Variants in FUT8 observed in about 807,000 individuals in gnomAD.
The protein encoded by FUT8 is alpha-(1,6)-fucosyltransferase.
In FUT8, 29 loss-of-function variants were observed where a neutral mutation model predicts 71.3. The ratio of observed to expected loss-of-function variants is 0.41; its 90% confidence interval spans 0.30 to 0.55. The LOEUF is 0.55. Among genes scored for constraint, FUT8 ranks in the 20% least tolerant of loss-of-function variants. The probability of loss-of-function intolerance (pLI) is 0.34; values close to 1 mark genes in which losing one functional copy is unlikely to be tolerated. For missense variants in FUT8, 544 were observed against 702.1 expected, an observed-to-expected ratio of 0.77 and a Z score of 2.55; for synonymous variants, 254 against 239.3, an observed-to-expected ratio of 1.06 and a Z score of -0.57.
chr14:65,516,157 G>A (rs938993848), intron 2 of FUT8: 1 of 150,656 alleles, frequency 6.6e-6, no homozygotes, highest in Non-Finnish European at 1.5e-5. Flanking sequence ...TCTAGCCTAG[G>A]CAACATAGCA....
chr14:65,621,864 A>C lies in FUT8; in HGVS notation c.482+5491A>C, dbSNP rs550416331. Among the ~76,000 whole-genome samples, 7 of 151,644 alleles carry C rather than the reference A, an allele frequency of 4.6e-5. No homozygotes were observed. In the East Asian group the frequency reaches 1.4e-3, roughly 30 times the overall value. ...TTTTGAGATGGAGTCTCGCTGTGTC[A>C]TCCAGGCAGAAGTGCAGTGGCACGA... On this transcript the variant is annotated intron_variant, in intron 5 of 10. Transcript: ENST00000673929.
intron 2 of FUT8, among the ~76,000 whole-genome samples, chr14:65,465,504 T>C (rs1002757577): frequency 1.3e-5 from 2 of 152,188 alleles, no homozygotes; most frequent in African/African-American, 4.8e-5. Context: ...CATGTACACT[T>C]AGTTTAAAAT....
At chr14:65,522,150 A>G (rs1378220629) in intron 2 of FUT8, among the ~76,000 whole-genome samples, 1 of 151,706 alleles carries the variant, frequency 6.6e-6, no homozygotes, top group South Asian at 2.1e-4. Context: ...CTGTGGAAGA[A>G]CTCCTTGCAT....
At chr14:65,470,715 G>C (rs2066130642) in intron 2 of FUT8, among the ~76,000 whole-genome samples, 1 of 152,070 alleles carries the variant, frequency 6.6e-6, no homozygotes, top group African/African-American at 2.4e-5. Context: ...GCCTCCTCCT[G>C]AGGCCCAGGA....
At chr14:65,523,443 T>A (rs2139871030) in intron 2 of FUT8, among the ~76,000 whole-genome samples, 1 of 152,362 alleles carries the variant, frequency 6.6e-6, no homozygotes, top group Admixed American at 6.5e-5. Flanking sequence ...CTTGTAAATT[T>A]GTTTAAGTTC....
intron 3 of FUT8, among the ~76,000 whole-genome samples, chr14:65,585,680 G>A (rs965231060): frequency 6.6e-6 from 1 of 152,148 alleles, no homozygotes; most frequent in Admixed American, 6.6e-5. Context: ...AAATATAAAT[G>A]CTTTTTCATA....
At chr14:65,359,702 T>C in the FUT8 span, among the ~76,000 whole-genome samples, 13 of 152,264 alleles carry the variant, frequency 8.5e-5, no homozygotes, top group African/African-American at 4.8e-5. Context: ...ATTGTATGCA[T>C]GGAACACATT....
intron 7 of FUT8, among the ~76,000 whole-genome samples, chr14:65,713,906 G>T (rs998896649): frequency 6.6e-6 from 1 of 152,108 alleles, no homozygotes; most frequent in African/African-American, 2.4e-5. Flanking sequence ...TGCTTTGGTT[G>T]CCTGTGTTTA....
At chr14:65,741,623 G>A (rs903543619) in intron 10 of FUT8, among the ~76,000 whole-genome samples, 114 of 151,912 alleles carry the variant, frequency 7.5e-4, no homozygotes, top group Non-Finnish European at 2.9e-4. Context: ...ATGAGAATGT[G>A]TGATTGATTA....
chr14:65,654,851 G>C lies in FUT8; in HGVS notation c.598-14392G>C, dbSNP rs554540240. 1.4e-3 allele frequency among the ~76,000 whole-genome samples: 208 copies of C among 151,706 alleles called. 1 individual carries two copies. Among genetic ancestry groups the C allele is most frequent in the African/African-American group, 4.6e-3 (192 of 41,400 alleles). ...CAAATGATCTAAACATACCAGTTAA[G>C]AAAGAGAGAAAAAAAAATACAGGAC... On this transcript the variant is annotated intron_variant, in intron 6 of 10. Transcript: ENST00000673929.
Position 65,472,141 on chromosome 14 carries a change from A to G in FUT8, c.-228+16423A>G, listed in dbSNP as rs1007058273. Among the ~76,000 whole-genome samples the G allele has an allele frequency of 2.6e-5, 4 of 152,138 alleles. No individual in the cohort carries two copies. The highest frequency in any genetic ancestry group is 9.7e-5 in the African/African-American group (4 of 41,420). The stretch of plus-strand genomic sequence containing the variant: ...CGCACAGTTCTGCAGGCTGTACAAG[A>G]AGTATGGCACCAGGATCGGCTTGTA... On this transcript the variant is annotated intron_variant, in intron 2 of 10. Coordinates refer to ENST00000673929, the MANE Select transcript of FUT8 (RefSeq NM_001371533.1). The surrounding 1 kb of genome is among the most constrained non-coding windows in gnomAD (Gnocchi z 4.4).
chr14:65,399,038 G>A, the FUT8 span, among the ~76,000 whole-genome samples: 1 of 152,110 alleles, frequency 6.6e-6, no homozygotes, highest in African/African-American at 2.4e-5. Flanking sequence ...CATTTTTTGA[G>A]CCGGGAACGG....
intron 3 of FUT8, among the ~76,000 whole-genome samples, chr14:65,579,899 C>T (rs1270205358): frequency 6.6e-6 from 1 of 151,966 alleles, no homozygotes; most frequent in Non-Finnish European, 1.5e-5. Context: ...GGAATGTGTA[C>T]AAGCTTCTAG....
chr14:65,616,056 A>G lies in FUT8; in HGVS notation c.282A>G (p.Lys94=). 6.2e-7 allele frequency: 1 copy of G among 1,614,038 alleles called. No individual in the cohort carries two copies. Among genetic ancestry groups the G allele is most frequent in the Non-Finnish European group, 8.5e-7 (1 of 1,179,910 alleles). Residue 94 remains lysine, a synonymous_variant, in exon 4 of 11, where the codon AAA becomes AAG. Coordinates refer to ENST00000673929, the MANE Select transcript of FUT8 (RefSeq NM_001371533.1). The part of the protein sequence containing the change: ...RVLEEQLVKA[K]EQIENYKKQT... Reference sequence around the variant, plus strand: ...TAGAAGAGCAGCTTGTTAAGGCCAAAGAACAGATTGAAAATTACAAGAAAC... The same window carrying G: ...TAGAAGAGCAGCTTGTTAAGGCCAAGGAACAGATTGAAAATTACAAGAAAC...
intron 2 of FUT8, among the ~76,000 whole-genome samples, chr14:65,460,493 C>T (rs2065954920): frequency 1.3e-5 from 2 of 152,082 alleles, no homozygotes; most frequent in African/African-American, 4.8e-5. Context: ...CTTTCATTGG[C>T]CTTTAGGAAT....
At chr14:65,445,529 C>G (rs1364146884) in intron 1 of FUT8, among the ~76,000 whole-genome samples, 2 of 152,080 alleles carry the variant, frequency 1.3e-5, no homozygotes, top group Non-Finnish European at 2.9e-5. Context: ...TGTTCTGTAT[C>G]CTGAGTATGG....
Position 65,607,520 on chromosome 14 carries a change from G to GTA in FUT8, c.204-8457_204-8456dup, listed in dbSNP as rs1188018415. Among the ~76,000 whole-genome samples the GTA allele has an allele frequency of 6.6e-6, 1 of 151,784 alleles. No individual in the cohort carries two copies. Among genetic ancestry groups the GTA allele is most frequent in the African/African-American group, 2.4e-5 (1 of 41,368 alleles). On this transcript the variant is annotated intron_variant, in intron 3 of 10. Coordinates refer to ENST00000673929, the MANE Select transcript of FUT8 (RefSeq NM_001371533.1). The surrounding 1 kb of genome is among the most constrained non-coding windows in gnomAD (Gnocchi z 4.1). ...ATAGTTTTTCTAATCGTAAACCAATGTAGTATTCTTAGGATAAAGTTGAGA... is the reference window on the plus strand; with the variant it reads ...ATAGTTTTTCTAATCGTAAACCAATGTATAGTATTCTTAGGATAAAGTTGAGA...
chr14:65,454,617 A>C (rs1324356434), intron 1 of FUT8, among the ~76,000 whole-genome samples: 2 of 152,208 alleles, frequency 1.3e-5, no homozygotes, highest in Non-Finnish European at 2.9e-5. Context: ...GTCATTGGAG[A>C]AAAACTGCTT....
the FUT8 span, among the ~76,000 whole-genome samples, chr14:65,372,703 CA>C: frequency 1.3e-5 from 2 of 152,232 alleles, no homozygotes; most frequent in African/African-American, 4.8e-5. Flanking sequence ...AGGCATGAGC[CA>C]CTGTGCCCGG....
Sources: allele counts gnomAD v4.1 joint callset (sites outside exome capture counted in the v4.1 genomes callset), GRCh38; gene constraint gnomAD v4.1.1; non-coding constraint Gnocchi (gnomAD v3.1); transcripts MANE v1.5; gene names NCBI Gene and HGNC (gene_info 2026-07-23, HGNC 2026-07-21).